Variants in RNF150 observed in about 807,000 individuals in gnomAD.
RNF150 encodes the protein ring finger protein 150.
Under a neutral mutation model 39.3 loss-of-function variants are expected in RNF150, and 24 were observed. That is an observed-to-expected ratio of 0.61 (90% CI 0.44 to 0.86). The LOEUF (loss-of-function observed/expected upper bound fraction) is 0.86. RNF150 is among the 40% of genes least tolerant of loss of function. The pLI, the probability that RNF150 is intolerant of heterozygous loss-of-function variation, is 0.00. For synonymous variants in RNF150, 255 were observed against 227.3 expected (o/e 1.12, Z -1.10); for missense variants, 502 against 587.8 (o/e 0.85, Z 1.51).
chr4:141,132,787 CT>C lies in RNF150; in HGVS notation c.21del (p.Ala8ArgfsTer37). On this transcript the variant is annotated frameshift_variant, in exon 1 of 7. Coordinates refer to ENST00000515673, the MANE Select transcript of RNF150 (RefSeq NM_020724.2). LOFTEE classifies it high-confidence loss of function. This position sits in a 1 kb window ranked among gnomAD's most constrained non-coding sequence, Gnocchi z 4.9. MAMSLIQACCSLALSTW... is the reference protein window; with the variant it reads MAMSLIXACCSLALSTW... ...GTTGAGAGAGCCAGACTGCAGCACG[CT>C]TGGATGAGAGACATTGCCATCTTTA... 1 of 1,609,276 alleles carries C rather than the reference CT, an allele frequency of 6.2e-7. No individual in the cohort carries two copies. Among genetic ancestry groups the C allele is most frequent in the African/African-American group, 1.3e-5 (1 of 74,618 alleles).
intron 1 of RNF150, chr4:141,053,708 G>T (rs749758472): frequency 1.4e-6 from 2 of 1,416,406 alleles, no homozygotes; most frequent in Non-Finnish European, 1.8e-6. Flanking sequence ...AGCTTCAGGG[G>T]CTGGGCATGA....
At chr4:141,159,293 A>G (rs553444180) in intron 1 of RNF150, among the ~76,000 whole-genome samples, 27 of 152,314 alleles carry the variant, frequency 1.8e-4, no homozygotes, top group South Asian at 4.1e-4. Context: ...TAATCAGTGA[A>G]TGTGGCTGTG....
intron 6 of RNF150, among the ~76,000 whole-genome samples, chr4:140,892,631 A>G (rs1412449476): frequency 6.6e-6 from 1 of 151,500 alleles, no homozygotes; most frequent in East Asian, 1.9e-4. Context: ...CTGTCTCCAG[A>G]AAGTGGGTTA....
intron 1 of RNF150, among the ~76,000 whole-genome samples, chr4:141,131,546 G>A (rs1386575193): frequency 6.6e-6 from 1 of 152,192 alleles, no homozygotes; most frequent in African/African-American, 2.4e-5. Context: ...GGACAGTAAT[G>A]CATTTCTAGT....
At chr4:140,984,680 G>C (rs1733966437) in intron 1 of RNF150, among the ~76,000 whole-genome samples, 1 of 152,044 alleles carries the variant, frequency 6.6e-6, no homozygotes, top group Non-Finnish European at 1.5e-5. Context: ...GTATTTCTTT[G>C]CTTAAGTGAC....
intron 1 of RNF150, among the ~76,000 whole-genome samples, chr4:140,986,162 CGT>C (rs1200339353): frequency 1.3e-5 from 2 of 152,024 alleles, no homozygotes; most frequent in African/African-American, 4.8e-5. Flanking sequence ...TAAGAAACAA[CGT>C]TACCCTCTTT....
At chr4:141,053,935 T>C (rs1289410109) in intron 1 of RNF150, among the ~76,000 whole-genome samples, 1 of 152,150 alleles carries the variant, frequency 6.6e-6, no homozygotes, top group Non-Finnish European at 1.5e-5. Context: ...AATTGAGATG[T>C]CCTATATTTG....
At chr4:141,178,535 A>G (rs1396381828) in intron 1 of RNF150, among the ~76,000 whole-genome samples, 8 of 152,286 alleles carry the variant, frequency 5.3e-5, no homozygotes, top group African/African-American at 1.4e-4. Context: ...TTTTAGTGCA[A>G]AAGAGTGGGT....
At chr4:140,984,369 A>C (rs1434829492) in intron 1 of RNF150, among the ~76,000 whole-genome samples, 2 of 152,102 alleles carry the variant, frequency 1.3e-5, no homozygotes, top group Non-Finnish European at 2.9e-5. Flanking sequence ...TTTTTAGACT[A>C]ATATGTAAGT....
At chr4:141,143,365 T>G (rs1337192152) in intron 1 of RNF150, among the ~76,000 whole-genome samples, 1 of 151,484 alleles carries the variant, frequency 6.6e-6, no homozygotes, top group East Asian at 1.9e-4. Flanking sequence ...CAGCTAAGAG[T>G]TTTTTATTCC....
chr4:141,181,667 A>G (rs1022983047), intron 1 of RNF150, among the ~76,000 whole-genome samples: 3 of 152,188 alleles, frequency 2.0e-5, no homozygotes, highest in Non-Finnish European at 4.4e-5. Context: ...TGTTCATGCT[A>G]TATCATCTAC....
At chr4:141,180,477 T>A (rs752899635) in intron 1 of RNF150, among the ~76,000 whole-genome samples, 6 of 152,174 alleles carry the variant, frequency 3.9e-5, no homozygotes, top group Non-Finnish European at 7.3e-5. Context: ...TGACAGATAA[T>A]GGATAAGGGA....
At chr4:140,949,237 T>C in intron 3 of RNF150, 64 bp downstream of exon 3, 1 of 1,287,162 alleles carries the variant, frequency 7.8e-7, no homozygotes, top group South Asian at 1.4e-5. Context: ...CCACCCTGGC[T>C]ATAAGAAAAG....
At chr4:141,058,808 T>G (rs141608178) in intron 1 of RNF150, among the ~76,000 whole-genome samples, 1 of 152,158 alleles carries the variant, frequency 6.6e-6, no homozygotes. Context: ...TTGCCATAGT[T>G]GCCCCCACCA....
intron 1 of RNF150, among the ~76,000 whole-genome samples, chr4:141,166,142 CAAACT>C (rs1217414861): frequency 6.6e-6 from 1 of 152,092 alleles, no homozygotes; most frequent in Non-Finnish European, 1.5e-5. Context: ...CACAGAAATA[CAAACT>C]ACCATCAGAG....
intron 1 of RNF150, among the ~76,000 whole-genome samples, chr4:141,103,589 A>G (rs940492988): frequency 1.1e-4 from 17 of 152,110 alleles, no homozygotes; most frequent in Admixed American, 6.6e-5. Flanking sequence ...ATCCATCATG[A>G]CCTCGCACAC....
rs142204432 is a variant in RNF150, at chr4:141,093,709, C to T, written c.484+38616G>A. 4.3e-3 allele frequency among the ~76,000 whole-genome samples: 650 copies of T among 152,230 alleles called. 3 individuals are homozygous for T. The highest frequency in any genetic ancestry group is 0.014 in the African/African-American group (576 of 41,550). ...AGAAGGAGAACTCTATAAACATCTG[C>T]CTTGAGAAATTCTCATGGACAAAGT... On this transcript the variant is annotated intron_variant, in intron 1 of 6. Transcript: ENST00000515673.
chr4:140,912,239 T>C (rs546151086), intron 5 of RNF150, among the ~76,000 whole-genome samples: 1 of 152,244 alleles, frequency 6.6e-6, no homozygotes, highest in South Asian at 2.1e-4. Context: ...TATATTTCTA[T>C]CTCTTCCACA....
chr4:141,074,929 T>G (rs1369191621), intron 1 of RNF150, among the ~76,000 whole-genome samples: 1 of 152,222 alleles, frequency 6.6e-6, no homozygotes, highest in Admixed American at 6.5e-5. Flanking sequence ...AACTACTCCC[T>G]AACCAGCACA....
Sources: gnomAD v4.1 joint callset for allele counts (sites outside exome capture counted in the v4.1 genomes callset) on GRCh38, gnomAD v4.1.1 for gene constraint, Gnocchi (gnomAD v3.1) non-coding constraint, MANE v1.5 for transcripts, NCBI Gene and HGNC (gene_info 2026-07-23, HGNC 2026-07-21) for gene names.